The following TBC1D31 variants were observed in gnomAD, a reference collection of about 807,000 sequenced individuals.
The protein encoded by TBC1D31 is TBC1 domain family member 31.
Under a neutral mutation model 132.9 loss-of-function variants are expected in TBC1D31, and 99 were observed. That is an observed-to-expected ratio of 0.74 (90% CI 0.63 to 0.88). The LOEUF (loss-of-function observed/expected upper bound fraction) is 0.88, where lower values mean the gene tolerates loss of function less well. Ranked by LOEUF, TBC1D31 falls within the 40% of genes least tolerant of loss-of-function variation. TBC1D31 has a pLI of 0.00. For missense variants in TBC1D31, 1,134 were observed against 1,256.6 expected (o/e 0.90, Z 1.48); for synonymous variants, 385 against 419.4 (o/e 0.92, Z 1.00).
chr8:123,100,885 A>G lies in TBC1D31; in HGVS notation c.910A>G (p.Ser304Gly). The change falls in exon 7 of 22, where the codon AGC (serine) becomes GGC (glycine). Residue 304 changes from serine (S) to glycine (G), a missense_variant. By Grantham distance (56) the Ser-to-Gly change is moderately conservative. Transcript: ENST00000287380. ...TTGTAAACTTCTCTTTGAGATTGGG[A>G]GCCTCGATGAAGGAATTAGCTCATC... Reference protein sequence around the residue: ...QTCKLLFEIGSLDEGISSSAI... With the variant: ...QTCKLLFEIGGLDEGISSSAI... 1 of 1,613,908 alleles carries G rather than the reference A, an allele frequency of 6.2e-7. No homozygotes were observed. Among genetic ancestry groups the G allele is most frequent in the Non-Finnish European group, 8.5e-7 (1 of 1,179,844 alleles).
At chr8:123,105,776 T>TA in intron 8 of TBC1D31, among the ~76,000 whole-genome samples, 1 of 152,288 alleles carries the variant, frequency 6.6e-6, no homozygotes, top group South Asian at 2.1e-4. Flanking sequence ...ATTTGAAAAC[T>TA]TTTTAATGAC....
chr8:123,156,765 C>T (rs1170430225), downstream of TBC1D31, among the ~76,000 whole-genome samples: 2 of 152,204 alleles, frequency 1.3e-5, no homozygotes, highest in Non-Finnish European at 2.9e-5. Context: ...CAGTGCCCAC[C>T]GCTGGCCTCT....
intron 10 of TBC1D31, among the ~76,000 whole-genome samples, chr8:123,110,851 G>A (rs1434399416): frequency 6.6e-6 from 1 of 151,988 alleles, no homozygotes; most frequent in Non-Finnish European, 1.5e-5. Context: ...TCAAATCAGG[G>A]TTCAAACAAC....
intron 10 of TBC1D31, 140 bp downstream of exon 10, chr8:123,109,760 C>A: frequency 1.4e-6 from 1 of 735,834 alleles, no homozygotes; most frequent in Non-Finnish European, 2.2e-6. Context: ...TAAAAATGTA[C>A]ATGCACATAT....
chr8:123,120,589 T>C (rs987829586), intron 11 of TBC1D31, among the ~76,000 whole-genome samples: 3 of 152,108 alleles, frequency 2.0e-5, no homozygotes, highest in Non-Finnish European at 4.4e-5. Context: ...GGAGAATCAC[T>C]TGAACCCAGG....
intron 14 of TBC1D31, 80 bp downstream of exon 14, chr8:123,128,593 T>G (rs1295291139): frequency 1.7e-6 from 2 of 1,179,396 alleles, no homozygotes; most frequent in Non-Finnish European, 2.4e-6. Flanking sequence ...AAAAATACAT[T>G]TGGCTGAGCG....
intron 1 of TBC1D31, 32 bp downstream of exon 1, chr8:123,072,878 G>T (rs1355584778): frequency 6.5e-7 from 1 of 1,546,362 alleles, no homozygotes. Flanking sequence ...CGCGGGCTGT[G>T]GAGGGGATGG....
At chr8:123,079,351 G>T (rs925201576) in intron 2 of TBC1D31, among the ~76,000 whole-genome samples, 7 of 152,024 alleles carry the variant, frequency 4.6e-5, no homozygotes, top group African/African-American at 1.7e-4. Context: ...TCTTATTATG[G>T]GAAACTTGAT....
chr8:123,122,658 C>G (rs1200786732), intron 11 of TBC1D31, among the ~76,000 whole-genome samples: 2 of 152,018 alleles, frequency 1.3e-5, no homozygotes, highest in Admixed American at 1.3e-4. Context: ...GGATTAATAC[C>G]TCTGAATTGT....
rs528414050 is a variant in TBC1D31, at chr8:123,112,299, T to G, written c.1436+2679T>G. 3.3e-5 allele frequency among the ~76,000 whole-genome samples: 5 copies of G among 152,342 alleles called. No individual in the cohort carries two copies. In the East Asian group the frequency reaches 9.6e-4, roughly 29 times the overall value. ...AATTTTTGTATTTAATTTAATTTGT[T>G]TTATACTTTTATAAAACATTTACAT... On this transcript the variant is annotated intron_variant, in intron 10 of 21. Transcript: ENST00000287380.
chr8:123,109,703 T>C (rs1278823562), intron 10 of TBC1D31, 83 bp downstream of exon 10: 6 of 1,322,138 alleles, frequency 4.5e-6, no homozygotes, highest in Middle Eastern at 1.9e-4. Context: ...TTATAAAATA[T>C]TGTTTTGTCA....
chr8:123,078,519 A>G lies in TBC1D31; in HGVS notation c.224+1262A>G, dbSNP rs1001872904. Reference sequence around the variant, plus strand: ...TGGGAGCAACAGCATGCCAGCAGCAATGAATATACCCGGTGTTGAGTTCTT... The same window carrying G: ...TGGGAGCAACAGCATGCCAGCAGCAGTGAATATACCCGGTGTTGAGTTCTT... On this transcript the variant is annotated intron_variant, in intron 2 of 21. Coordinates refer to ENST00000287380, the MANE Select transcript of TBC1D31 (RefSeq NM_145647.4). Among the ~76,000 whole-genome samples the G allele has an allele frequency of 7.4e-4, 113 of 152,308 alleles. 1 individual carries two copies. Among genetic ancestry groups the G allele is most frequent in the South Asian group, 1.2e-3 (6 of 4,828 alleles).
At chr8:123,087,470 A>G (rs1394035735) in intron 4 of TBC1D31, among the ~76,000 whole-genome samples, 2 of 152,242 alleles carry the variant, frequency 1.3e-5, no homozygotes, top group Non-Finnish European at 2.9e-5. Flanking sequence ...TTAAAAAGAG[A>G]TAAAAGTTGT....
In TBC1D31 at chr8:123,114,317, T is replaced by G. The variant is rs183035344; in HGVS notation, c.1436+4697T>G. On this transcript the variant is annotated intron_variant, in intron 10 of 21. Coordinates refer to ENST00000287380, the MANE Select transcript of TBC1D31 (RefSeq NM_145647.4). ...GTTGTTGTTTTCTGTTTGTTTGTTT[T>G]TTGTTGTTGTTGTTGTTGTTGAGAC... is the stretch of plus-strand genomic sequence containing the variant. Among the ~76,000 whole-genome samples the G allele has an allele frequency of 3.8e-4, 57 of 151,520 alleles. 1 individual carries two copies. Among genetic ancestry groups the G allele is most frequent in the South Asian group, 1.9e-3 (9 of 4,784 alleles).
At position 123,072,728 on chromosome 8, in the gene TBC1D31, G is replaced by A. The variant is rs777453804; in HGVS notation, c.-42G>A. 8 of 1,544,846 alleles carry A rather than the reference G, an allele frequency of 5.2e-6. No individual in the cohort carries two copies. The highest frequency in any genetic ancestry group is 7.0e-6 in the Non-Finnish European group (8 of 1,142,264). On this transcript the variant is annotated 5_prime_UTR_variant, in exon 1 of 22. Transcript: ENST00000287380. ...GGGCCTGCCGGGAAGGCGCTGGGAC[G>A]GTTACCCAGCGGGCCGCCGGCGGTC...
chr8:123,109,951 G>A (rs1435584118), intron 10 of TBC1D31, among the ~76,000 whole-genome samples: 1 of 152,098 alleles, frequency 6.6e-6, no homozygotes, highest in Admixed American at 6.5e-5. Context: ...AAATTAGCTG[G>A]GTGTGGTGGC....
intron 7 of TBC1D31, among the ~76,000 whole-genome samples, chr8:123,101,982 T>C (rs775619347): frequency 9.9e-5 from 15 of 152,222 alleles, no homozygotes; most frequent in Non-Finnish European, 2.2e-4. Flanking sequence ...CAGTGTTCTC[T>C]CTAATCTTGT....
At chr8:123,077,372 C>A in intron 2 of TBC1D31, 115 bp downstream of exon 2, 1 of 1,091,664 alleles carries the variant, frequency 9.2e-7, no homozygotes, top group Non-Finnish European at 1.3e-6. Flanking sequence ...TATTATATTT[C>A]AGGTACCTTG....
At chr8:123,091,345 CTT>C (rs1196550169) in intron 4 of TBC1D31, among the ~76,000 whole-genome samples, 1 of 152,110 alleles carries the variant, frequency 6.6e-6, no homozygotes, top group Non-Finnish European at 1.5e-5. Flanking sequence ...TAGGAATAAA[CTT>C]TATTACTTTT....
Sources: gnomAD v4.1 joint callset for allele counts (sites outside exome capture counted in the v4.1 genomes callset) on GRCh38, gnomAD v4.1.1 for gene constraint, MANE v1.5 for transcripts, NCBI Gene and HGNC (gene_info 2026-07-23, HGNC 2026-07-21) for gene names.